MPRIP: variants seen among roughly 807,000 people sequenced by gnomAD.
MPRIP encodes the protein myosin phosphatase Rho-interacting protein.
A neutral mutation model predicts 234.9 loss-of-function variants in MPRIP; 59 were observed. That is an observed-to-expected ratio of 0.25 (90% CI 0.20 to 0.31). The LOEUF (loss-of-function observed/expected upper bound fraction) is 0.31. Ranked by LOEUF, MPRIP falls within the 10% of genes least tolerant of loss-of-function variation. MPRIP has a pLI of 1.00. For synonymous variants in MPRIP, 1,144 were observed against 1,263.9 expected (o/e 0.91, Z 2.01); for missense variants, 2,436 against 3,071.0 (o/e 0.79, Z 4.89).
intron 18 of MPRIP, among the ~76,000 whole-genome samples, chr17:17,173,056 C>A (rs1451422900): frequency 1.3e-5 from 2 of 152,266 alleles, no homozygotes; most frequent in African/African-American, 4.8e-5. Flanking sequence ...CAAACGAAAT[C>A]TTAAACTCCC....
At chr17:17,150,090 A>G in intron 11 of MPRIP, 54 bp from the exon 12 acceptor site, 1 of 1,331,008 alleles carries the variant, frequency 7.5e-7, no homozygotes, top group East Asian at 2.3e-5. Flanking sequence ...TTGCTCATCT[A>G]GGCATTGGTT....
chr17:17,112,855 G>A (rs1374954166), intron 3 of MPRIP, among the ~76,000 whole-genome samples: 1 of 152,238 alleles, frequency 6.6e-6, no homozygotes, highest in Non-Finnish European at 1.5e-5. Flanking sequence ...TGAGTAGCAC[G>A]CGGGCCTTGG....
intron 3 of MPRIP, among the ~76,000 whole-genome samples, chr17:17,087,920 G>A (rs756471309): frequency 1.5e-4 from 23 of 152,186 alleles, no homozygotes; most frequent in Middle Eastern, 6.8e-3. Context: ...TGTCCCGTGC[G>A]CTTACCTTCC....
intron 8 of MPRIP, among the ~76,000 whole-genome samples, chr17:17,143,106 C>T (rs1381946446): frequency 6.6e-6 from 1 of 152,236 alleles, no homozygotes; most frequent in Non-Finnish European, 1.5e-5. Context: ...TTTCTCCACT[C>T]AGCCCAAGGT....
intron 5 of MPRIP, among the ~76,000 whole-genome samples, chr17:17,134,642 A>C (rs558754850): frequency 1.3e-5 from 2 of 152,236 alleles, no homozygotes; most frequent in South Asian, 4.2e-4. Flanking sequence ...AATCCTTGCA[A>C]AAGTGCCAAC....
Position 17,188,627 on chromosome 17 carries a change from G to C in MPRIP, c.*3733G>C, listed in dbSNP as rs1225964866. 2 of 152,262 alleles carry C rather than the reference G, an allele frequency of 1.3e-5. No homozygotes were observed. The allele number at this position is 152,262 out of a possible 1,614,324, so 9.4% of individuals were successfully genotyped here. A position where few individuals can be genotyped will look rare whatever the true frequency, so the allele number is the denominator to read the frequency against. ...TGATGGCTTGAAAAACATTTTTATGGAATGTATTTACTATCATTTTGTTTT... is the reference window on the plus strand; with the variant it reads ...TGATGGCTTGAAAAACATTTTTATGCAATGTATTTACTATCATTTTGTTTT... On this transcript the variant is annotated 3_prime_UTR_variant, in exon 24 of 24. Transcript: ENST00000651222.
intron 1 of MPRIP, among the ~76,000 whole-genome samples, chr17:17,049,359 T>C (rs2088458670): frequency 6.6e-6 from 1 of 152,184 alleles, no homozygotes; most frequent in African/African-American, 2.4e-5. Flanking sequence ...ATGGTGGGGG[T>C]ACATCCAGGT....
intron 1 of MPRIP, among the ~76,000 whole-genome samples, chr17:17,065,340 TG>T (rs1319282814): frequency 6.6e-6 from 1 of 152,138 alleles, no homozygotes; most frequent in African/African-American, 2.4e-5. Context: ...CATTTTGTCT[TG>T]TTTTTTGTAT....
intron 7 of MPRIP, 93 bp from the exon 8 acceptor site, chr17:17,142,534 G>GC (rs772649992): frequency 6.8e-7 from 1 of 1,479,102 alleles, no homozygotes; most frequent in Non-Finnish European, 9.3e-7. Context: ...GGGGAATCAG[G>GC]CCCGGGCCAG....
In MPRIP at chr17:17,190,270, C is replaced by T. The variant is rs1189754235; in HGVS notation, c.*5376C>T. The T allele has an allele frequency of 2.0e-5, 3 of 152,260 alleles. No individual in the cohort carries two copies. Among genetic ancestry groups the T allele is most frequent in the Non-Finnish European group, 4.4e-5 (3 of 68,054 alleles). 9.4% of individuals were successfully genotyped at this position (152,260 alleles called of 1,614,324 possible). On this transcript the variant is annotated 3_prime_UTR_variant, in exon 24 of 24. Coordinates refer to ENST00000651222, the MANE Select transcript of MPRIP (RefSeq NM_001364716.4). ...GTGAAGGCCACCACTGTTCTCAATG[C>T]CAAGCAACAGAACGTTCTGAGATGG...
In MPRIP at chr17:17,143,658, C is replaced by A. The variant is rs1326632888; in HGVS notation, c.1492C>A (p.Pro498Thr). 6.2e-7 allele frequency: 1 copy of A among 1,602,146 alleles called. No homozygotes were observed. Among genetic ancestry groups the A allele is most frequent in the South Asian group, 1.1e-5 (1 of 88,660 alleles). The part of the protein sequence containing the change: ...AKSLDRRSTE[P>T]SVTPDLLNFK... ...GTCACTGGACAGGAGGTCCACGGAGCCCTCCGTGACGGTGAGCCCAGGCGC... is the reference window on the plus strand; with the variant it reads ...GTCACTGGACAGGAGGTCCACGGAGACCTCCGTGACGGTGAGCCCAGGCGC... The change falls in exon 9 of 24, where the codon CCC (proline) becomes ACC (threonine). Residue 498 changes from proline (P) to threonine (T), a missense_variant. Coordinates refer to ENST00000651222, the MANE Select transcript of MPRIP (RefSeq NM_001364716.4).
chr17:17,102,047 T>A (rs942827690), intron 3 of MPRIP, among the ~76,000 whole-genome samples: 31 of 152,060 alleles, frequency 2.0e-4, no homozygotes, highest in Admixed American at 3.3e-4. Context: ...TTTTTTTTTT[T>A]AATTTTTTTT....
chr17:17,127,596 G>A (rs888880969), intron 4 of MPRIP, among the ~76,000 whole-genome samples: 1 of 152,258 alleles, frequency 6.6e-6, no homozygotes, highest in Non-Finnish European at 1.5e-5. Flanking sequence ...CAGGTGAACA[G>A]GCTCATTGGG....
chr17:17,133,459 C>T (rs1474223585), intron 5 of MPRIP, among the ~76,000 whole-genome samples: 1 of 152,164 alleles, frequency 6.6e-6, no homozygotes, highest in Non-Finnish European at 1.5e-5. Flanking sequence ...CAGCCTGATG[C>T]TAAAGGCATT....
intron 3 of MPRIP, among the ~76,000 whole-genome samples, chr17:17,108,187 A>G (rs911401392): frequency 6.6e-6 from 1 of 152,190 alleles, no homozygotes; most frequent in South Asian, 2.1e-4. Context: ...TTTATGAATC[A>G]TAATCGCAGC....
chr17:17,067,992 T>C (rs1026154785), intron 1 of MPRIP, among the ~76,000 whole-genome samples: 1 of 151,842 alleles, frequency 6.6e-6, no homozygotes, highest in African/African-American at 2.4e-5. Context: ...ATTTCCTATA[T>C]GTTGTCAAAT....
chr17:17,106,938 G>GATGCTGGCCTTCCTGGA (rs1303848980), intron 3 of MPRIP, among the ~76,000 whole-genome samples: 1 of 152,210 alleles, frequency 6.6e-6, no homozygotes, highest in Non-Finnish European at 1.5e-5. Flanking sequence ...TTCTTTCCCA[G>GATGCTGGCCTTCCTGGA]ATGCTGGCCT....
chr17:17,080,444 A>G (rs2089436425), intron 3 of MPRIP, among the ~76,000 whole-genome samples: 1 of 152,232 alleles, frequency 6.6e-6, no homozygotes, highest in Non-Finnish European at 1.5e-5. Flanking sequence ...GGAAAACTCC[A>G]TTTCAGATAG....
At chr17:17,043,173 TC>T (rs1158724609) in intron 1 of MPRIP, among the ~76,000 whole-genome samples, 1 of 152,136 alleles carries the variant, frequency 6.6e-6, no homozygotes, top group Admixed American at 6.5e-5. Flanking sequence ...TAACATCCTT[TC>T]CCGTTCCCAT....
Sources: gnomAD v4.1 joint callset for allele counts (sites outside exome capture counted in the v4.1 genomes callset) on GRCh38, gnomAD v4.1.1 for gene constraint, MANE v1.5 for transcripts, NCBI Gene and HGNC (gene_info 2026-07-23, HGNC 2026-07-21) for gene names.